Variants in AGPAT3 observed in about 807,000 individuals in gnomAD.
AGPAT3 encodes 1-acylglycerol-3-phosphate O-acyltransferase 3, also known as 1-acyl-sn-glycerol-3-phosphate acyltransferase gamma.
A neutral mutation model predicts 47.3 loss-of-function variants in AGPAT3; 5 were observed. The observed-to-expected ratio is 0.11, with a 90% CI of 0.06 to 0.22. AGPAT3 has a LOEUF of 0.22. AGPAT3 is among the 10% of genes least tolerant of loss of function. AGPAT3 has a pLI of 1.00. For missense variants in AGPAT3, 315 were observed against 493.0 expected (o/e 0.64, Z 3.42); for synonymous variants, 212 against 208.3 (o/e 1.02, Z -0.15).
intron 3 of AGPAT3, among the ~76,000 whole-genome samples, chr21:43,964,279 G>GGAGGCA: frequency 6.6e-6 from 1 of 152,266 alleles, no homozygotes; most frequent in East Asian, 1.9e-4. Flanking sequence ...CAGCTCCTCA[G>GGAGGCA]GAGGCAGAGG....
chr21:43,870,638 C>T (rs923363994), intron 1 of AGPAT3, among the ~76,000 whole-genome samples: 1 of 152,150 alleles, frequency 6.6e-6, no homozygotes, highest in Non-Finnish European at 1.5e-5. Context: ...AGGAGAATGC[C>T]TTGAACCTGG....
At chr21:43,870,225 G>A (rs1398528131) in intron 1 of AGPAT3, among the ~76,000 whole-genome samples, 1 of 152,152 alleles carries the variant, frequency 6.6e-6, no homozygotes, top group African/African-American at 2.4e-5. Context: ...ACAGCGATCA[G>A]GACACACGTG....
Position 43,981,271 on chromosome 21 carries a change from C to T in AGPAT3, c.1042+84C>T. On this transcript the variant is annotated intron_variant, in intron 9 of 9. Transcript: ENST00000291572. The surrounding 1 kb of genome is among the most constrained non-coding windows in gnomAD (Gnocchi z 5.3). The stretch of plus-strand genomic sequence containing the variant: ...GGGTCCGGGACCTGGTGACTCATCA[C>T]AGTGGCTGTGGGAGGCAGGGGCCTG... 1 of 1,460,540 alleles carries T rather than the reference C, an allele frequency of 6.8e-7. No individual in the cohort carries two copies. The highest frequency in any genetic ancestry group is 9.5e-7 in the Non-Finnish European group (1 of 1,048,542). The allele number at this position is 1,460,540 out of a possible 1,614,324, so 90.5% of individuals were successfully genotyped here.
chr21:43,971,471 G>A lies in AGPAT3; in HGVS notation c.748G>A (p.Glu250Lys), dbSNP rs749943054. The part of the protein sequence containing the change: ...LLGILYGKKY[E>K]ADMCVRRFPL... ...GGGGATCCTCTACGGGAAGAAGTAC[G>A]AGGCGGACATGTGCGTGAGGTGAGG... The change falls in exon 7 of 10, where the codon GAG becomes AAG. Residue 250 changes from glutamate (E) to lysine (K), a missense_variant. Transcript: ENST00000291572. 48 of 1,614,094 alleles carry A rather than the reference G, an allele frequency of 3.0e-5. No individual in the cohort carries two copies. Among genetic ancestry groups the A allele is most frequent in the African/African-American group, 1.9e-4 (14 of 74,926 alleles).
chr21:43,898,174 C>A (rs2086272501), intron 1 of AGPAT3, among the ~76,000 whole-genome samples: 1 of 152,108 alleles, frequency 6.6e-6, no homozygotes, highest in Non-Finnish European at 1.5e-5. Context: ...TTAAGTCTGA[C>A]AACTAAAAAA....
chr21:43,888,860 G>A (rs996282883), intron 1 of AGPAT3, among the ~76,000 whole-genome samples: 2 of 152,084 alleles, frequency 1.3e-5, no homozygotes, highest in African/African-American at 4.8e-5. Context: ...ATGGTGGCAT[G>A]CGCCTGTAAT....
At chr21:43,907,749 T>C (rs1043274195) in intron 2 of AGPAT3, among the ~76,000 whole-genome samples, 2 of 152,180 alleles carry the variant, frequency 1.3e-5, no homozygotes, top group Non-Finnish European at 2.9e-5. Context: ...CCGTTCCATA[T>C]AAGCTTCCTA....
intron 1 of AGPAT3, among the ~76,000 whole-genome samples, chr21:43,878,975 A>G (rs549111742): frequency 6.6e-6 from 1 of 152,200 alleles, no homozygotes; most frequent in African/African-American, 2.4e-5. Context: ...TCCTTGCCTC[A>G]AGCAACCTGC....
intron 2 of AGPAT3, among the ~76,000 whole-genome samples, chr21:43,923,104 A>G (rs1447149550): frequency 6.6e-6 from 1 of 152,016 alleles, no homozygotes; most frequent in African/African-American, 2.4e-5. Context: ...TCTTTCCTAG[A>G]GGGGATGGAA....
At chr21:43,928,939 T>G (rs528203651) in intron 2 of AGPAT3, among the ~76,000 whole-genome samples, 2 of 152,336 alleles carry the variant, frequency 1.3e-5, no homozygotes, top group East Asian at 3.9e-4. Flanking sequence ...CTCAGCTGTG[T>G]GTACCCACCA....
At position 43,978,133 on chromosome 21, in the gene AGPAT3, C is replaced by G. The variant is rs764450949; in HGVS notation, c.843+12C>G. ...TGTACCAGGAGAAGGTAAGCAGGCT[C>G]TGCTCCCGCTCAGGGTCCCGGTCTC... On this transcript the variant is annotated intron_variant, in intron 8 of 9. Transcript: ENST00000291572. 1 of 1,611,406 alleles carries G rather than the reference C, an allele frequency of 6.2e-7. No individual in the cohort carries two copies. The highest frequency in any genetic ancestry group is 1.1e-5 in the South Asian group (1 of 90,740).
At chr21:43,931,530 C>T (rs1220646834) in intron 2 of AGPAT3, among the ~76,000 whole-genome samples, 1 of 152,122 alleles carries the variant, frequency 6.6e-6, no homozygotes, top group Non-Finnish European at 1.5e-5. Flanking sequence ...GCGATATGTT[C>T]AGATGAGCTT....
intron 2 of AGPAT3, among the ~76,000 whole-genome samples, chr21:43,927,348 G>GT (rs1057087734): frequency 5.3e-5 from 8 of 152,168 alleles, no homozygotes; most frequent in Non-Finnish European, 1.0e-4. Flanking sequence ...AAGTTGGAGT[G>GT]TTTTTTGCTT....
At chr21:43,959,112 A>AGT (rs1030105831) in intron 2 of AGPAT3, among the ~76,000 whole-genome samples, 3 of 35,438 alleles carry the variant, frequency 8.5e-5, no homozygotes, top group South Asian at 7.9e-4. Flanking sequence ...TGTGGTTTGC[A>AGT]GTGTGTGTGT....
chr21:43,975,190 G>A (rs1475350805), intron 7 of AGPAT3, among the ~76,000 whole-genome samples: 1 of 151,346 alleles, frequency 6.6e-6, no homozygotes, highest in South Asian at 2.1e-4. Context: ...TATGGCATGT[G>A]CTAACGTGTG....
chr21:43,871,298 G>A (rs538147945), intron 1 of AGPAT3, among the ~76,000 whole-genome samples: 23 of 152,306 alleles, frequency 1.5e-4, no homozygotes, highest in Non-Finnish European at 2.5e-4. Flanking sequence ...TGGAAACAGC[G>A]TTCTCTGATG....
intron 2 of AGPAT3, among the ~76,000 whole-genome samples, chr21:43,940,991 C>T (rs570098298): frequency 4.6e-5 from 7 of 152,350 alleles, no homozygotes; most frequent in African/African-American, 1.7e-4. Flanking sequence ...GTTGGTAAAA[C>T]GGGACACTGA....
chr21:43,933,649 G>A lies in AGPAT3; in HGVS notation c.-48-25985G>A, dbSNP rs1449763809. ...CACAGCTTGGAAGCGGTTGGCACTG[G>A]GGTTAGGCTCCAGTAGTCTCGGCAT... On this transcript the variant is annotated intron_variant, in intron 2 of 9. Transcript: ENST00000291572. The surrounding 1 kb of genome is among the most constrained non-coding windows in gnomAD (Gnocchi z 6.0). Among the ~76,000 whole-genome samples the A allele has an allele frequency of 1.3e-5, 2 of 152,008 alleles. No homozygotes were observed. Among genetic ancestry groups the A allele is most frequent in the Non-Finnish European group, 2.9e-5 (2 of 68,016 alleles).
At chr21:43,958,087 A>C (rs561540531) in intron 2 of AGPAT3, among the ~76,000 whole-genome samples, 52 of 152,276 alleles carry the variant, frequency 3.4e-4, no homozygotes, top group African/African-American at 1.2e-3. Context: ...CTCTGTTTGC[A>C]GAGATTGATT....
Sources: gnomAD v4.1 joint callset for allele counts (sites outside exome capture counted in the v4.1 genomes callset) on GRCh38, gnomAD v4.1.1 for gene constraint, Gnocchi (gnomAD v3.1) non-coding constraint, MANE v1.5 for transcripts, NCBI Gene and HGNC (gene_info 2026-07-23, HGNC 2026-07-21) for gene names.